Variants in NUP205 observed in about 807,000 individuals in gnomAD.
The protein encoded by NUP205 is nucleoporin 205.
In NUP205, 76 loss-of-function variants were observed where a neutral mutation model predicts 253.8. The observed-to-expected ratio is 0.30, with a 90% CI of 0.25 to 0.36. The LOEUF is 0.36. Ranked by LOEUF, NUP205 falls within the 10% of genes least tolerant of loss-of-function variation. The pLI is 1.00. For missense variants in NUP205, 2,162 were observed against 2,425.5 expected, an observed-to-expected ratio of 0.89 and a Z score of 2.28; for synonymous variants, 832 against 850.1, an observed-to-expected ratio of 0.98 and a Z score of 0.37.
chr7:135,603,094 TA>T, intron 18 of NUP205, 100 bp downstream of exon 18: 1 of 823,636 alleles, frequency 1.2e-6, no homozygotes, highest in Non-Finnish European at 1.8e-6. Context: ...CCTTTTTTTT[TA>T]TTTTTGCCTC....
chr7:135,575,794 A>G (rs1806134875), intron 3 of NUP205, among the ~76,000 whole-genome samples: 2 of 152,210 alleles, frequency 1.3e-5, no homozygotes, highest in African/African-American at 4.8e-5. Flanking sequence ...CATCTCAAAA[A>G]AAAAGGTAGA....
Position 135,587,676 on chromosome 7 carries a change from A to G in NUP205, c.1320A>G (p.Glu440=). 6.2e-7 allele frequency: 1 copy of G among 1,600,526 alleles called. No homozygotes were observed. Among genetic ancestry groups the G allele is most frequent in the South Asian group, 1.1e-5 (1 of 89,452 alleles). Residue 440 remains glutamate (E), a synonymous_variant, in exon 9 of 43, where the codon GAA becomes GAG. Transcript: ENST00000285968. ...CCATTTCACTTAGAAGGGACCTGGA[A>G]CACTTAATGCTTTTGGTAAGCCATT... The part of the protein sequence containing the change: ...EPPISLRRDL[E]HLMLLIGELY...
chr7:135,646,859 G>T (rs1373715216), intron 42 of NUP205, among the ~76,000 whole-genome samples: 2 of 152,200 alleles, frequency 1.3e-5, no homozygotes, highest in African/African-American at 4.8e-5. Flanking sequence ...TGCTAGTGTT[G>T]TACCTAGAAC....
At chr7:135,637,790 T>A (rs1794838063) in intron 36 of NUP205, 141 bp from the exon 37 acceptor site, 2 of 634,140 alleles carry the variant, frequency 3.2e-6, no homozygotes, top group African/African-American at 3.8e-5. Flanking sequence ...ATGCTACTTT[T>A]AGTTGGCTCA....
chr7:135,644,674 CTT>C (rs1429875239), intron 39 of NUP205, among the ~76,000 whole-genome samples: 1 of 152,162 alleles, frequency 6.6e-6, no homozygotes, highest in Admixed American at 6.5e-5. Flanking sequence ...CAGGGACAGA[CTT>C]TTTCAAAAGG....
intron 7 of NUP205, among the ~76,000 whole-genome samples, chr7:135,584,155 TG>T (rs1464470084): frequency 6.6e-6 from 1 of 152,178 alleles, no homozygotes; most frequent in Non-Finnish European, 1.5e-5. Context: ...AAATACTTAC[TG>T]GTAAAATGTT....
intron 10 of NUP205, among the ~76,000 whole-genome samples, chr7:135,589,031 G>A (rs1400916961): frequency 1.3e-5 from 2 of 150,758 alleles, no homozygotes; most frequent in East Asian, 1.9e-4. Context: ...ATACTAGCTC[G>A]GTGTGCTATC....
intron 9 of NUP205, 79 bp downstream of exon 9, chr7:135,587,770 G>A: frequency 6.5e-7 from 1 of 1,536,342 alleles, no homozygotes; most frequent in Non-Finnish European, 8.8e-7. Flanking sequence ...AATTTCAGGT[G>A]TAATACTTTA....
At chr7:135,603,639 A>T (rs1359598806) in intron 18 of NUP205, among the ~76,000 whole-genome samples, 1 of 147,566 alleles carries the variant, frequency 6.8e-6, no homozygotes, top group East Asian at 2.0e-4. Context: ...CCTCCCCAGT[A>T]GCTGGGACTA....
At chr7:135,607,086 G>A (rs1202765040) in intron 21 of NUP205, among the ~76,000 whole-genome samples, 161 bp from the exon 22 acceptor site, 1 of 152,192 alleles carries the variant, frequency 6.6e-6, no homozygotes, top group East Asian at 1.9e-4. Context: ...GACAAACTGA[G>A]CTATAGAGAA....
rs536760896 is a variant in NUP205 at position 135,561,044 on chromosome 7, A to C, written c.28+3072A>C. Among the ~76,000 whole-genome samples, 13 of 152,254 alleles carry C rather than the reference A, an allele frequency of 8.5e-5. No homozygotes were observed. In the East Asian group the frequency reaches 2.5e-3, roughly 29 times the overall value. On this transcript the variant is annotated intron_variant, in intron 1 of 42. Coordinates refer to ENST00000285968, the MANE Select transcript of NUP205 (RefSeq NM_015135.3). The stretch of plus-strand genomic sequence containing the variant: ...TAAGGAAAAAATACAGAGATTGTAG[A>C]GTTCTAAGACCTATGGTTGGCCAGG...
rs1226558163 is a variant in NUP205, at chr7:135,577,133, G to C, written c.648+5G>C. The C allele has an allele frequency of 3.1e-6, 5 of 1,604,010 alleles. No individual in the cohort carries two copies. Among genetic ancestry groups the C allele is most frequent in the Non-Finnish European group, 4.2e-6 (5 of 1,176,592 alleles). On this transcript the variant is annotated splice_donor_5th_base_variant and intron_variant, in intron 5 of 42. Transcript: ENST00000285968. ...AGTGAAAAACATCGCAAAGAGGCAA[G>C]GGTTCAATGAAATCAATTCATGAGT... is the stretch of plus-strand genomic sequence containing the variant.
chr7:135,560,876 T>C (rs912056657), intron 1 of NUP205, among the ~76,000 whole-genome samples: 2 of 152,166 alleles, frequency 1.3e-5, no homozygotes, highest in African/African-American at 2.4e-5. Flanking sequence ...TTTTGCAAGA[T>C]GAAAAAAGCT....
intron 3 of NUP205, 67 bp downstream of exon 3, chr7:135,573,892 A>G: frequency 1.6e-6 from 2 of 1,245,798 alleles, no homozygotes; most frequent in Non-Finnish European, 2.3e-6. Context: ...CATAGTTTAA[A>G]ATAGTTTATT....
intron 1 of NUP205, chr7:135,558,306 G>A (rs1805487978): frequency 5.2e-6 from 2 of 381,492 alleles, no homozygotes; most frequent in Non-Finnish European, 1.0e-5. Context: ...GCTGGAATAC[G>A]CATCAGGTCT....
At chr7:135,617,376 T>C (rs1344138320) in intron 26 of NUP205, 129 bp downstream of exon 26, 1 of 919,226 alleles carries the variant, frequency 1.1e-6, no homozygotes, top group East Asian at 2.5e-5. Flanking sequence ...TAGGAAGGAC[T>C]GTGATTTTTG....
intron 38 of NUP205, among the ~76,000 whole-genome samples, chr7:135,639,456 G>A (rs533249857): frequency 3.3e-5 from 5 of 152,258 alleles, no homozygotes; most frequent in African/African-American, 1.2e-4. Flanking sequence ...TTGAGAGGCC[G>A]AGGCAGGCAG....
intron 22 of NUP205, among the ~76,000 whole-genome samples, chr7:135,613,033 C>T (rs1794276573): frequency 1.3e-5 from 2 of 151,542 alleles, no homozygotes; most frequent in African/African-American, 2.4e-5. Flanking sequence ...CTGCAGTGAG[C>T]TGTGATTGCA....
At chr7:135,565,806 T>C (rs1805741751) in intron 1 of NUP205, among the ~76,000 whole-genome samples, 1 of 152,204 alleles carries the variant, frequency 6.6e-6, no homozygotes, top group South Asian at 2.1e-4. Context: ...CAGTTTCATT[T>C]TGTCATCTGC....
Sources: gnomAD v4.1 joint callset for allele counts (sites outside exome capture counted in the v4.1 genomes callset) on GRCh38, gnomAD v4.1.1 for gene constraint, MANE v1.5 for transcripts, NCBI Gene and HGNC (gene_info 2026-07-23, HGNC 2026-07-21) for gene names.